Variants in ZNF678 observed in about 807,000 individuals in gnomAD.
The protein encoded by ZNF678 is zinc finger protein 678.
Under a neutral mutation model 3.0 loss-of-function variants are expected in ZNF678, and 5 were observed. The ratio of observed to expected loss-of-function variants is 1.69; its 90% CI spans 0.88 to 3.56. The LOEUF is 3.56. Ranked by LOEUF, ZNF678 falls within the 30% of genes most tolerant of loss-of-function variation. The pLI is 0.00. For missense variants in ZNF678, 593 were observed against 605.0 expected, an observed-to-expected ratio of 0.98 and a Z score of 0.21; for synonymous variants, 218 against 199.6, an observed-to-expected ratio of 1.09 and a Z score of -0.78.
At position 227,563,583 on chromosome 1, in the gene ZNF678, TGGTCCC is replaced by T; in HGVS notation, c.-303_-298del. On this transcript the variant is annotated 5_prime_UTR_variant, in exon 1 of 4. Transcript: ENST00000343776. ...TTGTCTTGTGCTCCAGCTGGAGCTTTGGTCCCGTATTCTCGGCTATTTATCCCCAGC... is the reference window on the plus strand; with the variant it reads ...TTGTCTTGTGCTCCAGCTGGAGCTTTGTATTCTCGGCTATTTATCCCCAGC... The T allele has an allele frequency of 1.1e-6, 1 of 875,708 alleles. No homozygotes were observed. The highest frequency in any genetic ancestry group is 1.7e-5 in the African/African-American group (1 of 57,626). The allele number at this position is 875,708 out of a possible 1,614,324, so 54.2% of individuals were successfully genotyped here.
In ZNF678 at chr1:227,607,125, T is replaced by C. The variant is rs1415970067; in HGVS notation, c.-163-39419T>C. Among the ~76,000 whole-genome samples, 4 of 152,346 alleles carry C rather than the reference T, an allele frequency of 2.6e-5. No homozygotes were observed. In the East Asian group the frequency reaches 5.8e-4, roughly 22 times the overall value. On this transcript the variant is annotated intron_variant, in intron 1 of 3. Transcript: ENST00000343776. Reference sequence around the variant, plus strand: ...TACTCTATACATGATGATTTTTAATTGATTTAATCTCTTTATTTATTAGAA... The same window carrying C: ...TACTCTATACATGATGATTTTTAATCGATTTAATCTCTTTATTTATTAGAA...
intron 1 of ZNF678, among the ~76,000 whole-genome samples, chr1:227,574,669 A>T (rs935748436): frequency 5.9e-5 from 9 of 152,016 alleles, no homozygotes; most frequent in Non-Finnish European, 1.3e-4. Flanking sequence ...GTTTAATCAA[A>T]TCCCATTTGC....
At chr1:227,593,416 G>A (rs1241278287) in intron 1 of ZNF678, among the ~76,000 whole-genome samples, 1 of 152,158 alleles carries the variant, frequency 6.6e-6, no homozygotes, top group Admixed American at 6.5e-5. Flanking sequence ...GGTTGGGGCA[G>A]TCCATCCTTG....
chr1:227,658,254 TC>T lies in ZNF678; in HGVS notation c.*2427del, dbSNP rs1422243124. ...TGTTTAGATGTACACTGGGAAGGCT[TC>T]ATAATTCACAAAGTTGTTTTGACAT... On this transcript the variant is annotated 3_prime_UTR_variant, in exon 4 of 4. Coordinates refer to ENST00000343776, the MANE Select transcript of ZNF678 (RefSeq NM_001367909.1). 179 of 152,174 alleles carry T rather than the reference TC, an allele frequency of 1.2e-3. 1 individual carries two copies. Among genetic ancestry groups the T allele is most frequent in the African/African-American group, 4.1e-3 (170 of 41,548 alleles). 9.4% of individuals were successfully genotyped at this position (152,174 alleles called of 1,614,324 possible). A position where few individuals can be genotyped will look rare whatever the true frequency, so the allele number is the denominator to read the frequency against.
chr1:227,591,595 G>T (rs543781657), intron 1 of ZNF678, among the ~76,000 whole-genome samples: 31 of 151,892 alleles, frequency 2.0e-4, no homozygotes, highest in African/African-American at 7.5e-4. Context: ...CACTTTACTC[G>T]TATCATTTAT....
chr1:227,567,140 G>T (rs578007932), intron 1 of ZNF678, among the ~76,000 whole-genome samples: 1 of 152,206 alleles, frequency 6.6e-6, no homozygotes, highest in East Asian at 1.9e-4. Context: ...CTCTTAGAAG[G>T]GTTCACATTT....
intron 5 of ZNF678, among the ~76,000 whole-genome samples, chr1:227,673,944 A>G (rs1377545078): frequency 6.6e-6 from 1 of 152,222 alleles, no homozygotes; most frequent in African/African-American, 2.4e-5. Context: ...ACATACAAAT[A>G]TATTATTATG....
rs183966903 is a variant in ZNF678, at chr1:227,641,410, T to G, written c.-163-5134T>G. ...TACTTTTTTCATTACTTTTCATTAC[T>G]TTTATTTTTGTTTTTGCAGTCTCTT... On this transcript the variant is annotated intron_variant, in intron 1 of 3. Coordinates refer to ENST00000343776, the MANE Select transcript of ZNF678 (RefSeq NM_001367909.1). 1.8e-3 allele frequency among the ~76,000 whole-genome samples: 268 copies of G among 152,362 alleles called. 1 individual carries two copies. The highest frequency in any genetic ancestry group is 6.1e-3 in the African/African-American group (252 of 41,574).
At chr1:227,607,533 C>G (rs1657904730) in intron 1 of ZNF678, among the ~76,000 whole-genome samples, 1 of 151,840 alleles carries the variant, frequency 6.6e-6, no homozygotes, top group African/African-American at 2.4e-5. Context: ...GAGAAAAATA[C>G]AAAATAACAT....
intron 1 of ZNF678, among the ~76,000 whole-genome samples, chr1:227,614,326 A>C (rs1322872206): frequency 6.6e-6 from 1 of 152,252 alleles, no homozygotes; most frequent in Non-Finnish European, 1.5e-5. Context: ...TACCTACTGC[A>C]ACATAAACCT....
chr1:227,605,115 A>G (rs773821433), intron 1 of ZNF678, among the ~76,000 whole-genome samples: 1 of 152,232 alleles, frequency 6.6e-6, no homozygotes, highest in African/African-American at 2.4e-5. Context: ...TCGGCCTCCC[A>G]AAGTGCTGGG....
chr1:227,628,463 C>T (rs1658471572), intron 1 of ZNF678, among the ~76,000 whole-genome samples: 1 of 152,166 alleles, frequency 6.6e-6, no homozygotes, highest in Non-Finnish European at 1.5e-5. Flanking sequence ...TGTATAATGG[C>T]CTGGCTATTT....
At chr1:227,633,944 C>T (rs904228309) in intron 1 of ZNF678, among the ~76,000 whole-genome samples, 7 of 152,198 alleles carry the variant, frequency 4.6e-5, no homozygotes, top group African/African-American at 1.4e-4. Flanking sequence ...CTTCACAGCT[C>T]ATGTCTCCAA....
intron 1 of ZNF678, among the ~76,000 whole-genome samples, chr1:227,608,395 A>G (rs1185498957): frequency 6.6e-6 from 1 of 152,166 alleles, no homozygotes; most frequent in Non-Finnish European, 1.5e-5. Flanking sequence ...ATATTCAGTA[A>G]AGTAGAGAAT....
Position 227,660,343 on chromosome 1 carries a change from G to A in ZNF678, c.*4515G>A, listed in dbSNP as rs146466173. ...CATTTTGTGTAACATAGACTTTTTAGCAATATTAATTTGGCCAATTTATGA... is the reference window on the plus strand; with the variant it reads ...CATTTTGTGTAACATAGACTTTTTAACAATATTAATTTGGCCAATTTATGA... On this transcript the variant is annotated 3_prime_UTR_variant, in exon 4 of 4. Coordinates refer to ENST00000343776, the MANE Select transcript of ZNF678 (RefSeq NM_001367909.1). 4.0e-5 allele frequency: 6 copies of A among 151,214 alleles called. No individual in the cohort carries two copies. Among genetic ancestry groups the A allele is most frequent in the Admixed American group, 6.6e-5 (1 of 15,170 alleles). 9.4% of individuals were successfully genotyped at this position (151,214 alleles called of 1,614,324 possible).
chr1:227,638,325 ATGAGCC>A lies in ZNF678; in HGVS notation c.-163-8214_-163-8209del, dbSNP rs1386377826. Among the ~76,000 whole-genome samples, 39 of 152,348 alleles carry A rather than the reference ATGAGCC, an allele frequency of 2.6e-4. No individual in the cohort carries two copies. Among genetic ancestry groups the A allele is most frequent in the Middle Eastern group, 3.4e-3 (1 of 294 alleles). ...CAGGAACTACTAGACAGCTTGGTTA[ATGAGCC>A]TGAGGTCCTGAACTAAGCGATAAGT... On this transcript the variant is annotated intron_variant, in intron 1 of 3. Transcript: ENST00000343776. This position sits in a 1 kb window ranked among gnomAD's most constrained non-coding sequence, Gnocchi z 4.2.
downstream of ZNF678, among the ~76,000 whole-genome samples, chr1:227,678,558 C>T (rs1344934745): frequency 1.3e-5 from 2 of 152,200 alleles, no homozygotes; most frequent in African/African-American, 4.8e-5. Context: ...AATTACTCAG[C>T]TCTCCATACA....
intron 5 of ZNF678, among the ~76,000 whole-genome samples, chr1:227,671,074 C>CTTTTTTTTTTTTTTTTTTTTTTT (rs200510182): frequency 1.7e-5 from 2 of 120,554 alleles, no homozygotes; most frequent in African/African-American, 3.3e-5. Flanking sequence ...AGTGGATCAC[C>CTTTTTTTTTTTTTTTTTTTTTTT]TTTTTTTTTT....
intron 3 of ZNF678, among the ~76,000 whole-genome samples, chr1:227,652,412 A>T (rs1006647744): frequency 1.3e-5 from 2 of 152,024 alleles, no homozygotes; most frequent in African/African-American, 2.4e-5. Flanking sequence ...CTCTTTATTC[A>T]GTCTTTTGAT....
Sources: allele counts gnomAD v4.1 joint callset (sites outside exome capture counted in the v4.1 genomes callset), GRCh38; gene constraint gnomAD v4.1.1; non-coding constraint Gnocchi (gnomAD v3.1); transcripts MANE v1.5; gene names NCBI Gene and HGNC (gene_info 2026-07-23, HGNC 2026-07-21).